The following CFAP54 variants were observed in gnomAD, a reference collection of about 807,000 sequenced individuals.
CFAP54 encodes the protein cilia and flagella associated protein 54.
In CFAP54, 290 loss-of-function variants were observed where a neutral mutation model predicts 370.4. That is an observed-to-expected ratio of 0.78 (90% CI 0.71 to 0.86). The LOEUF (loss-of-function observed/expected upper bound fraction) is 0.86, where lower values mean the gene tolerates loss of function less well. Ranked by LOEUF, CFAP54 falls within the 40% of genes least tolerant of loss-of-function variation. The pLI, the probability that CFAP54 is intolerant of heterozygous loss-of-function variation, is 0.00. For missense variants in CFAP54, 3,399 were observed against 3,528.7 expected (o/e 0.96, Z 0.93); for synonymous variants, 1,206 against 1,236.5 (o/e 0.98, Z 0.52).
At chr12:96,553,566 A>G (rs1955720415) in intron 15 of CFAP54, among the ~76,000 whole-genome samples, 1 of 99,174 alleles carries the variant, frequency 1.0e-5, no homozygotes, top group African/African-American at 3.6e-5. Flanking sequence ...AGTAATATAT[A>G]TAGTTATATA....
intron 62 of CFAP54, among the ~76,000 whole-genome samples, chr12:96,789,095 T>C (rs1472136002): frequency 6.6e-6 from 1 of 152,202 alleles, no homozygotes; most frequent in East Asian, 1.9e-4. Flanking sequence ...GTAGACAGAT[T>C]TTCCAATCTG....
intron 30 of CFAP54, among the ~76,000 whole-genome samples, 155 bp downstream of exon 30, chr12:96,627,094 T>C (rs1956556863): frequency 1.3e-5 from 2 of 152,090 alleles, no homozygotes; most frequent in African/African-American, 4.8e-5. Context: ...TCTGTGTAAA[T>C]AAATAACTAA....
intron 26 of CFAP54, among the ~76,000 whole-genome samples, chr12:96,603,518 G>A (rs184769007): frequency 6.6e-6 from 1 of 152,264 alleles, no homozygotes; most frequent in Non-Finnish European, 1.5e-5. Flanking sequence ...GCTAGGTTGG[G>A]GAAATTCTCC....
intron 11 of CFAP54, among the ~76,000 whole-genome samples, chr12:96,535,052 G>GTGTGT (rs1491302214): frequency 4.6e-4 from 59 of 129,012 alleles, no homozygotes; most frequent in African/African-American, 1.6e-3. Context: ...GTGTGTGTGT[G>GTGTGT]TTTATTTATT....
chr12:96,752,521 T>C (rs1958198449), intron 55 of CFAP54, among the ~76,000 whole-genome samples: 1 of 152,192 alleles, frequency 6.6e-6, no homozygotes. Context: ...TATTACTTTA[T>C]TGTGTGTTCA....
intron 39 of CFAP54, among the ~76,000 whole-genome samples, chr12:96,665,137 C>T (rs1364080790): frequency 6.7e-6 from 1 of 149,844 alleles, no homozygotes; most frequent in Non-Finnish European, 1.5e-5. Flanking sequence ...ACTCTCTGTT[C>T]ATGTCTTTTG....
chr12:96,770,929 G>A (rs1958453956), intron 60 of CFAP54, among the ~76,000 whole-genome samples: 1 of 152,232 alleles, frequency 6.6e-6, no homozygotes, highest in Non-Finnish European at 1.5e-5. Context: ...ATGCAGAATT[G>A]ATGCTTCTAG....
chr12:96,723,187 A>G (rs930851301), intron 50 of CFAP54, among the ~76,000 whole-genome samples: 2 of 152,238 alleles, frequency 1.3e-5, no homozygotes, highest in Admixed American at 1.3e-4. Flanking sequence ...ATAAAAATAC[A>G]ATGATAAGAA....
At chr12:96,810,155 G>A (rs1430814405) in intron 63 of CFAP54, among the ~76,000 whole-genome samples, 1 of 151,812 alleles carries the variant, frequency 6.6e-6, no homozygotes, top group African/African-American at 2.4e-5. Context: ...TGCCTTTAAA[G>A]GTACCTGAGC....
At chr12:96,872,208 G>A (rs936818572) in intron 67 of CFAP54, among the ~76,000 whole-genome samples, 1 of 152,046 alleles carries the variant, frequency 6.6e-6, no homozygotes, top group Non-Finnish European at 1.5e-5. Context: ...AAGTCCTAAG[G>A]AAGAGGGCAA....
intron 49 of CFAP54, 131 bp downstream of exon 49, chr12:96,718,653 T>G (rs1957713389): frequency 8.6e-6 from 5 of 584,728 alleles, no homozygotes; most frequent in Middle Eastern, 3.8e-4. Context: ...TAAGAATGGG[T>G]TGGAGCCAGA....
At chr12:96,619,211 C>T (rs868563506) in intron 26 of CFAP54, among the ~76,000 whole-genome samples, 4 of 152,066 alleles carry the variant, frequency 2.6e-5, no homozygotes, top group African/African-American at 4.8e-5. Context: ...ATTAATGTCA[C>T]GATTTTGATA....
rs912845682 is a variant in CFAP54 at position 96,764,194 on chromosome 12, A to G, written c.8084A>G (p.Asn2695Ser). 6 of 1,613,390 alleles carry G rather than the reference A, an allele frequency of 3.7e-6. No homozygotes were observed. Among genetic ancestry groups the G allele is most frequent in the Non-Finnish European group, 4.2e-6 (5 of 1,179,736 alleles). ...AGTTCTGTTAAAGAAACATCAGCAA[A>G]TAAATTTGAAATGTACAGTTCATTA... ...RSSSVKETSA[N>S]KFEMYSSLAW... is the part of the protein sequence containing the mutation. Residue 2695 changes from asparagine (N) to serine (S), a missense_variant, in exon 59 of 68, where the codon AAT becomes AGT. Physicochemically the swap from Asn to Ser is conservative, Grantham distance 46. Around this residue, in one of 3 missense-constraint regions of CFAP54, gnomAD observed 2,796 missense variants for 2,869.7 expected, o/e 0.97. Transcript: ENST00000524981.
chr12:96,531,686 T>C (rs1468609210), intron 9 of CFAP54, among the ~76,000 whole-genome samples: 2 of 152,156 alleles, frequency 1.3e-5, no homozygotes, highest in African/African-American at 4.8e-5. Flanking sequence ...TTTACCTATT[T>C]AATTATTTGT....
At chr12:96,726,150 G>A (rs1957832099) in intron 50 of CFAP54, among the ~76,000 whole-genome samples, 1 of 150,638 alleles carries the variant, frequency 6.6e-6, no homozygotes, top group African/African-American at 2.4e-5. Context: ...TTTTGGTTGT[G>A]TCTCTGCCCG....
chr12:96,613,667 T>C (rs1956384847), intron 26 of CFAP54, among the ~76,000 whole-genome samples: 1 of 151,630 alleles, frequency 6.6e-6, no homozygotes. Context: ...ATAGACACAA[T>C]AAAAAATGAT....
At chr12:96,569,261 C>A (rs536526944) in intron 19 of CFAP54, among the ~76,000 whole-genome samples, 1 of 152,240 alleles carries the variant, frequency 6.6e-6, no homozygotes, top group East Asian at 1.9e-4. Flanking sequence ...TTGAGAATTT[C>A]TTTTTCCGTA....
intron 66 of CFAP54, among the ~76,000 whole-genome samples, chr12:96,842,870 A>C (rs1445958286): frequency 6.6e-6 from 1 of 152,250 alleles, no homozygotes; most frequent in Non-Finnish European, 1.5e-5. Context: ...AAAAAGAGTT[A>C]AATGAAATAA....
intron 66 of CFAP54, among the ~76,000 whole-genome samples, 193 bp downstream of exon 66, chr12:96,829,281 A>C (rs553966694): frequency 2.6e-5 from 4 of 152,290 alleles, no homozygotes; most frequent in African/African-American, 9.6e-5. Context: ...AAAACATTCA[A>C]CTAATACAAA....
Sources: gnomAD v4.1 joint callset for allele counts (sites outside exome capture counted in the v4.1 genomes callset) on GRCh38, gnomAD v4.1.1 for gene constraint, gnomAD v4.1.1 regional missense constraint, MANE v1.5 for transcripts, NCBI Gene and HGNC (gene_info 2026-07-23, HGNC 2026-07-21) for gene names.